AP3B1: variants seen among roughly 807,000 people sequenced by gnomAD.
AP3B1 encodes AP-3 complex subunit beta-1.
Under a neutral mutation model 132.5 loss-of-function variants are expected in AP3B1, and 61 were observed. That is an observed-to-expected ratio of 0.46 (90% CI 0.37 to 0.57). The LOEUF (loss-of-function observed/expected upper bound fraction) is 0.57. Among genes scored for constraint, AP3B1 ranks in the 20% least tolerant of loss-of-function variants. The pLI is 0.00. For missense variants in AP3B1, 1,120 were observed against 1,289.4 expected (o/e 0.87, Z 2.01); for synonymous variants, 388 against 438.3 (o/e 0.89, Z 1.43).
rs149827064 is a variant in AP3B1, at chr5:78,153,807, T to C, written c.1473+2451A>G. Among the ~76,000 whole-genome samples the C allele has an allele frequency of 1.1e-4, 16 of 152,302 alleles. 1 individual carries two copies. In the East Asian group the frequency reaches 2.9e-3, roughly 28 times the overall value. On this transcript the variant is annotated intron_variant, in intron 14 of 26. Transcript: ENST00000255194. ...CATTATTTTAAACTGATGACAACAC[T>C]GATTGCATACACAATCAAGCAAAAA... is the stretch of plus-strand genomic sequence containing the variant.
At chr5:78,027,460 T>G (rs963148439) in intron 24 of AP3B1, among the ~76,000 whole-genome samples, 1 of 152,026 alleles carries the variant, frequency 6.6e-6, no homozygotes, top group African/African-American at 2.4e-5. Flanking sequence ...TCTTGTGGCT[T>G]TAAGGAATAT....
chr5:78,053,385 G>A (rs529485041), intron 22 of AP3B1, among the ~76,000 whole-genome samples: 4 of 151,866 alleles, frequency 2.6e-5, no homozygotes, highest in Non-Finnish European at 4.4e-5. Flanking sequence ...GAAAATATAA[G>A]AAAAGTCAAG....
chr5:78,077,028 C>T (rs368863), intron 22 of AP3B1, among the ~76,000 whole-genome samples: 40,750 of 151,986 alleles, frequency 0.27, 5,975 homozygotes, highest in African/African-American at 0.38. Flanking sequence ...AAAGTTACAG[C>T]TGGTGTCAGA....
chr5:78,179,094 C>A (rs1277362230), intron 8 of AP3B1, among the ~76,000 whole-genome samples: 3 of 152,074 alleles, frequency 2.0e-5, no homozygotes, highest in Non-Finnish European at 2.9e-5. Flanking sequence ...AATAAACTCT[C>A]CTGAATTTTA....
intron 12 of AP3B1, 124 bp downstream of exon 12, chr5:78,165,486 T>C: frequency 6.6e-6 from 3 of 456,436 alleles, no homozygotes; most frequent in Non-Finnish European, 1.3e-5. Context: ...AATTTCTTAG[T>C]TGTCAGTCTT....
chr5:78,245,838 T>C (rs182845675), intron 2 of AP3B1, among the ~76,000 whole-genome samples: 71 of 152,346 alleles, frequency 4.7e-4, no homozygotes, highest in Middle Eastern at 3.4e-3. Context: ...TAGGAGAATA[T>C]GTCCTTTTTC....
chr5:78,223,452 G>A (rs747953271), intron 6 of AP3B1, among the ~76,000 whole-genome samples: 3 of 151,960 alleles, frequency 2.0e-5, no homozygotes, highest in African/African-American at 4.8e-5. Context: ...CATTAAAAAC[G>A]ATACTACACA....
At chr5:78,071,390 A>T (rs1749536689) in intron 22 of AP3B1, among the ~76,000 whole-genome samples, 1 of 151,904 alleles carries the variant, frequency 6.6e-6, no homozygotes, top group Admixed American at 6.6e-5. Flanking sequence ...ATGGAACAAC[A>T]CCCACTGGGG....
At chr5:78,200,285 T>G (rs571145913) in intron 7 of AP3B1, among the ~76,000 whole-genome samples, 1 of 152,128 alleles carries the variant, frequency 6.6e-6, no homozygotes, top group African/African-American at 2.4e-5. Context: ...TCAAGGAGGC[T>G]CCAACCTTGA....
intron 3 of AP3B1, among the ~76,000 whole-genome samples, chr5:78,233,382 T>C (rs867338075): frequency 6.6e-6 from 1 of 151,680 alleles, no homozygotes; most frequent in South Asian, 2.1e-4. Flanking sequence ...TACAGGCGCA[T>C]GCCACCACGC....
chr5:78,145,431 A>G (rs1753347813), intron 14 of AP3B1, among the ~76,000 whole-genome samples: 2 of 152,202 alleles, frequency 1.3e-5, no homozygotes, highest in South Asian at 4.1e-4. Flanking sequence ...CACATCTCAC[A>G]GCTGGTTAGT....
intron 26 of AP3B1, among the ~76,000 whole-genome samples, chr5:78,014,182 A>G (rs1254461733): frequency 6.6e-6 from 1 of 151,964 alleles, no homozygotes. Flanking sequence ...AAAAGAAATG[A>G]AAGCATGAGA....
intron 2 of AP3B1, among the ~76,000 whole-genome samples, chr5:78,259,587 GTGC>G (rs1747995569): frequency 6.6e-6 from 1 of 152,156 alleles, no homozygotes; most frequent in African/African-American, 2.4e-5. Context: ...TCCCCATGAT[GTGC>G]TTATTTCACA....
At chr5:78,115,978 GA>G (rs1561416687) in intron 18 of AP3B1, 147 bp downstream of exon 18, 1 of 696,026 alleles carries the variant, frequency 1.4e-6, no homozygotes, top group Admixed American at 2.0e-5. Context: ...GAAAACTAAA[GA>G]GTGATATATA....
At chr5:78,229,188 A>T (rs891228689) in intron 3 of AP3B1, among the ~76,000 whole-genome samples, 2 of 152,136 alleles carry the variant, frequency 1.3e-5, no homozygotes, top group Admixed American at 1.3e-4. Context: ...CTCCCACCTC[A>T]GCCTCCCAAA....
chr5:78,145,650 T>C (rs1408999761), intron 14 of AP3B1, among the ~76,000 whole-genome samples: 1 of 152,148 alleles, frequency 6.6e-6, no homozygotes, highest in Admixed American at 6.5e-5. Flanking sequence ...GATGAAGGAT[T>C]ATTCCTTCAT....
rs563539988 is a variant in AP3B1 at position 78,119,322 on chromosome 5, A to T, written c.1969-3088T>A. On this transcript the variant is annotated intron_variant, in intron 17 of 26. Transcript: ENST00000255194. ...AGGAACGCAGCTCCTCACCAGCAAC[A>T]GAACAAAGCTGGACGGAGAATGACG... is the stretch of plus-strand genomic sequence containing the variant. 7.9e-5 allele frequency among the ~76,000 whole-genome samples: 12 copies of T among 152,368 alleles called. No homozygotes were observed. In the East Asian group the frequency reaches 2.3e-3, roughly 29 times the overall value.
At chr5:78,003,693 T>G (rs968406150) in intron 26 of AP3B1, among the ~76,000 whole-genome samples, 38 of 152,184 alleles carry the variant, frequency 2.5e-4, no homozygotes, top group African/African-American at 8.9e-4. Context: ...GGACATTAGA[T>G]CTTTCTTTCT....
At chr5:78,092,453 T>C (rs1006134656) in intron 21 of AP3B1, among the ~76,000 whole-genome samples, 1 of 152,166 alleles carries the variant, frequency 6.6e-6, no homozygotes, top group African/African-American at 2.4e-5. Context: ...ATTTAATTAG[T>C]AATGTGTAAA....
Sources: allele counts gnomAD v4.1 joint callset (sites outside exome capture counted in the v4.1 genomes callset), GRCh38; gene constraint gnomAD v4.1.1; transcripts MANE v1.5; gene names NCBI Gene and HGNC (gene_info 2026-07-23, HGNC 2026-07-21).